REEP2: variants seen among roughly 807,000 people sequenced by gnomAD.
REEP2 encodes the protein receptor accessory protein 2, also known as receptor expression-enhancing protein 2.
A neutral mutation model predicts 32.1 loss-of-function variants in REEP2; 9 were observed. That is an observed-to-expected ratio of 0.28 (90% CI 0.17 to 0.49). The LOEUF (loss-of-function observed/expected upper bound fraction) is 0.49, where lower values mean the gene tolerates loss of function less well. REEP2 is among the 20% of genes least tolerant of loss of function. The pLI is 0.99. For missense variants in REEP2, 236 were observed against 338.0 expected (o/e 0.70, Z 2.37); for synonymous variants, 128 against 139.1 (o/e 0.92, Z 0.56).
In REEP2 at chr5:138,441,491, A is replaced by G; in HGVS notation, c.182+30A>G. 1.3e-6 allele frequency: 2 copies of G among 1,580,978 alleles called. No individual in the cohort carries two copies. Among genetic ancestry groups the G allele is most frequent in the Middle Eastern group, 1.7e-4 (1 of 5,992 alleles). ...GGTCCAGCGTCCCCTCCTGTATCTC[A>G]GGGCCCAGGGCCTCTGCCTTTCTCT... On this transcript the variant is annotated intron_variant, in intron 3 of 7. Transcript: ENST00000378339. This position sits in a 1 kb window ranked among gnomAD's most constrained non-coding sequence, Gnocchi z 4.4.
At position 138,445,496 on chromosome 5, in the gene REEP2, C is replaced by T. The variant is rs1763911264; in HGVS notation, c.594C>T (p.Ser198=). Reference sequence around the variant, plus strand: ...ATGACCCTGCCCTGAGTCTAAGGTCCAGCACAAACCCGGCAGATTCCCGGA... The same window carrying T: ...ATGACCCTGCCCTGAGTCTAAGGTCTAGCACAAACCCGGCAGATTCCCGGA... ...LGDDPALSLR[S]STNPADSRTE... is the part of the protein sequence containing the mutation. Residue 198 remains serine (S), a synonymous_variant, in exon 7 of 8, where the codon TCC becomes TCT. Transcript: ENST00000378339. 6.2e-7 allele frequency: 1 copy of T among 1,614,174 alleles called. No individual in the cohort carries two copies. Among genetic ancestry groups the T allele is most frequent in the Non-Finnish European group, 8.5e-7 (1 of 1,180,036 alleles).
rs564643929 is a variant in REEP2 at position 138,445,885 on chromosome 5, G to T, written c.*134G>T. On this transcript the variant is annotated 3_prime_UTR_variant, in exon 8 of 8. Transcript: ENST00000378339. ...GGCCCCGCAGATGGCCATTTCCGGT[G>T]CCTGCCCAGTGGCCACTCTTCTGGA... 25 of 828,736 alleles carry T rather than the reference G, an allele frequency of 3.0e-5. No individual in the cohort carries two copies. In the African/African-American group the frequency reaches 4.1e-4, roughly 14 times the overall value. 51.3% of individuals were successfully genotyped at this position (828,736 alleles called of 1,614,324 possible).
chr5:138,445,010 C>A, intron 5 of REEP2, 143 bp downstream of exon 5: 1 of 762,002 alleles, frequency 1.3e-6, no homozygotes, highest in Non-Finnish European at 2.1e-6. Flanking sequence ...GGCTCTACTG[C>A]TATCTGGCCG....
chr5:138,440,974 G>A, intron 1 of REEP2, 42 bp from the exon 2 acceptor site: 1 of 1,608,452 alleles, frequency 6.2e-7, no homozygotes, highest in Non-Finnish European at 8.5e-7. Context: ...AGAGGCCACT[G>A]CCCTTGGCTG....
rs1489263976 is a variant in REEP2 at position 138,445,750 on chromosome 5, G to A, written c.764G>A (p.Ter255=). The A allele has an allele frequency of 6.2e-7, 1 of 1,613,752 alleles. No homozygotes were observed. The change falls in exon 8 of 8, where the codon TGA becomes TAA. Residue 255 remains the stop codon, a stop_retained_variant. Coordinates refer to ENST00000378339, the MANE Select transcript of REEP2 (RefSeq NM_001271803.2). ...KKTSGGGDSA[*] ...ACCTCTGGCGGGGGCGACTCAGCTTGAGCCCCTCCACCCCCGCAGGCTGCA... is the reference window on the plus strand; with the variant it reads ...ACCTCTGGCGGGGGCGACTCAGCTTAAGCCCCTCCACCCCCGCAGGCTGCA...
intron 3 of REEP2, among the ~76,000 whole-genome samples, chr5:138,442,631 G>A (rs35774663): frequency 0.25 from 38,081 of 151,738 alleles, 5,343 homozygotes; most frequent in East Asian, 0.56. Context: ...CGAGGTGGGC[G>A]GATCATGAAG....
At chr5:138,444,712 G>A (rs1399216968) in intron 4 of REEP2, 42 bp from the exon 5 acceptor site, 2 of 1,596,786 alleles carry the variant, frequency 1.3e-6, no homozygotes, top group Admixed American at 3.4e-5. Flanking sequence ...ACAAGGGTAG[G>A]GCAGGACCTC....
chr5:138,439,191 G>T lies in REEP2; in HGVS notation c.-18G>T. ...CGGCCGGGCCGGGTCCCCGCCCCGC[G>T]CCGCGCCCGGCCCCGCCATGGTGTC... is the stretch of plus-strand genomic sequence containing the variant. On this transcript the variant is annotated 5_prime_UTR_variant, in exon 1 of 8. Transcript: ENST00000378339. The T allele has an allele frequency of 7.4e-7, 1 of 1,358,552 alleles. No homozygotes were observed. The allele number at this position is 1,358,552 out of a possible 1,614,324, so 84.2% of individuals were successfully genotyped here. A position where few individuals can be genotyped will look rare whatever the true frequency, so the allele number is the denominator to read the frequency against.
Position 138,444,031 on chromosome 5 carries a change from T to C in REEP2, c.183-384T>C, listed in dbSNP as rs975824761. On this transcript the variant is annotated intron_variant, in intron 3 of 7. Transcript: ENST00000378339. ...AGAGAAGTCCCAGGCCTCTCGATGA[T>C]AGGGAGGGCAGAAAGGGAAGGAGTG... Among the ~76,000 whole-genome samples, 4 of 151,448 alleles carry C rather than the reference T, an allele frequency of 2.6e-5. No individual in the cohort carries two copies. In the East Asian group the frequency reaches 5.8e-4, roughly 22 times the overall value.
intron 1 of REEP2, among the ~76,000 whole-genome samples, chr5:138,440,516 T>C (rs2127021409): frequency 6.6e-6 from 1 of 152,330 alleles, no homozygotes; most frequent in South Asian, 2.1e-4. Flanking sequence ...CTCCTGCCCC[T>C]GTGCCCTCTG....
At position 138,445,856 on chromosome 5, in the gene REEP2, C is replaced by G; in HGVS notation, c.*105C>G. ...GCCAGTAGCCTAGGTGTCTCAGGCC[C>G]CTGGGCCCCGCAGATGGCCATTTCC... is the stretch of plus-strand genomic sequence containing the variant. On this transcript the variant is annotated 3_prime_UTR_variant, in exon 8 of 8. Coordinates refer to ENST00000378339, the MANE Select transcript of REEP2 (RefSeq NM_001271803.2). The G allele has an allele frequency of 8.7e-7, 1 of 1,149,336 alleles. No homozygotes were observed. The highest frequency in any genetic ancestry group is 2.5e-5 in the East Asian group (1 of 39,496). The allele number at this position is 1,149,336 out of a possible 1,614,324, so 71.2% of individuals were successfully genotyped here. A position where few individuals can be genotyped will look rare whatever the true frequency, so the allele number is the denominator to read the frequency against.
rs761774865 is a variant in REEP2 at position 138,441,374 on chromosome 5, C to T, written c.106-11C>T. On this transcript the variant is annotated splice_polypyrimidine_tract_variant and intron_variant, in intron 2 of 7. Transcript: ENST00000378339. This position sits in a 1 kb window ranked among gnomAD's most constrained non-coding sequence, Gnocchi z 4.4. ...CCCGTGCCCCAGCCAGCGCTTCCCTCTGTCCCTCAGGTGAAATGGATGATG... is the reference window on the plus strand; with the variant it reads ...CCCGTGCCCCAGCCAGCGCTTCCCTTTGTCCCTCAGGTGAAATGGATGATG... The T allele has an allele frequency of 6.2e-7, 1 of 1,613,816 alleles. No individual in the cohort carries two copies. Among genetic ancestry groups the T allele is most frequent in the Admixed American group, 1.7e-5 (1 of 60,024 alleles).
chr5:138,442,968 G>A (rs1191937479), intron 3 of REEP2, among the ~76,000 whole-genome samples: 5 of 151,628 alleles, frequency 3.3e-5, no homozygotes, highest in African/African-American at 4.8e-5. Context: ...GGAGGTTGCC[G>A]TGAGCCGAGA....
chr5:138,441,444 G>C lies in REEP2; in HGVS notation c.165G>C (p.Thr55=), dbSNP rs149244681. The change falls in exon 3 of 8, where the codon ACG becomes ACC. Residue 55 remains threonine (T), a synonymous_variant. Transcript: ENST00000378339. The surrounding 1 kb of genome is among the most constrained non-coding windows in gnomAD (Gnocchi z 4.4). ...TCTTCACCACGGCCGAGACGCTCAC[G>C]GATATAGTGCTCTCCTGGTGAGGTC... The part of the protein sequence containing the change: ...FAFFTTAETL[T]DIVLSWFPFY... 51 of 1,614,144 alleles carry C rather than the reference G, an allele frequency of 3.2e-5. No individual in the cohort carries two copies. The African/African-American group carries it at 6.3e-4, about 20-fold the overall frequency.
Position 138,444,440 on chromosome 5 carries a change from A to G in REEP2, c.208A>G (p.Ile70Val). The G allele has an allele frequency of 1.2e-6, 2 of 1,613,938 alleles. No individual in the cohort carries two copies. The highest frequency in any genetic ancestry group is 1.7e-6 in the Non-Finnish European group (2 of 1,179,958). The change falls in exon 4 of 8, where the codon ATC (isoleucine) becomes GTC (valine). Residue 70 changes from isoleucine (I) to valine (V), a missense_variant. Physicochemically the swap from Ile to Val is conservative, Grantham distance 29. Transcript: ENST00000378339. Reference protein sequence around the residue: ...SWFPFYFELKIAFVIWLLSPY... With the variant: ...SWFPFYFELKVAFVIWLLSPY... ...GTTCCCCTTCTACTTTGAACTGAAGATCGCCTTCGTGATATGGCTGCTGTC... is the reference window on the plus strand; with the variant it reads ...GTTCCCCTTCTACTTTGAACTGAAGGTCGCCTTCGTGATATGGCTGCTGTC...
chr5:138,443,876 AAG>A (rs1763873468), intron 3 of REEP2: 1 of 152,462 alleles, frequency 6.6e-6, no homozygotes, highest in Non-Finnish European at 1.5e-5. Flanking sequence ...AGCTTTGATG[AAG>A]ACTTTGTGAG....
In REEP2 at chr5:138,446,084, TC is replaced by T. The variant is rs1179810158; in HGVS notation, c.*335del. The T allele has an allele frequency of 9.9e-6, 3 of 302,854 alleles. No individual in the cohort carries two copies. Among genetic ancestry groups the T allele is most frequent in the Non-Finnish European group, 1.8e-5 (3 of 165,942 alleles). The allele number at this position is 302,854 out of a possible 1,614,324, so 18.8% of individuals were successfully genotyped here. ...AGTGCCTTGCTGAAGCCCATAGCAA[TC>T]CGCTTCTCAGAGGTCCTGTCGTGTT... On this transcript the variant is annotated 3_prime_UTR_variant, in exon 8 of 8. Transcript: ENST00000378339.
chr5:138,440,943 G>A, intron 1 of REEP2, 73 bp from the exon 2 acceptor site: 2 of 1,602,204 alleles, frequency 1.2e-6, no homozygotes. Flanking sequence ...TTACCCAGGG[G>A]CTGATGCGGA....
In REEP2 at chr5:138,441,520, C is replaced by G. The variant is rs575602715; in HGVS notation, c.182+59C>G. 4 of 1,470,696 alleles carry G rather than the reference C, an allele frequency of 2.7e-6. No individual in the cohort carries two copies. The South Asian group carries it at 4.5e-5, about 17-fold the overall frequency. The allele number at this position is 1,470,696 out of a possible 1,614,324, so 91.1% of individuals were successfully genotyped here. On this transcript the variant is annotated intron_variant, in intron 3 of 7. Coordinates refer to ENST00000378339, the MANE Select transcript of REEP2 (RefSeq NM_001271803.2). The surrounding 1 kb of genome is among the most constrained non-coding windows in gnomAD (Gnocchi z 4.4). ...CCCAGGGCCTCTGCCTTTCTCTACCCAGCCAGCCAAACAAAAGACTGGGCC... is the reference window on the plus strand; with the variant it reads ...CCCAGGGCCTCTGCCTTTCTCTACCGAGCCAGCCAAACAAAAGACTGGGCC...
Sources: allele counts gnomAD v4.1 joint callset (sites outside exome capture counted in the v4.1 genomes callset), GRCh38; gene constraint gnomAD v4.1.1; non-coding constraint Gnocchi (gnomAD v3.1); transcripts MANE v1.5; gene names NCBI Gene and HGNC (gene_info 2026-07-23, HGNC 2026-07-21).